The following ULK4 variants were observed in gnomAD, a reference collection of about 807,000 sequenced individuals.
ULK4 encodes unc-51 like kinase 4, also known as inactive serine/threonine-protein kinase ULK4.
In ULK4, 133 loss-of-function variants were observed where a neutral mutation model predicts 160.6. That is an observed-to-expected ratio of 0.83 (90% CI 0.72 to 0.96). ULK4 has a LOEUF of 0.96. ULK4 is among the 40% of genes least tolerant of loss of function. The probability of loss-of-function intolerance (pLI) is 0.00; values close to 1 mark genes in which losing one functional copy is unlikely to be tolerated. For synonymous variants in ULK4, 534 were observed against 539.8 expected, an observed-to-expected ratio of 0.99 and a Z score of 0.15; for missense variants, 1,580 against 1,499.5, an observed-to-expected ratio of 1.05 and a Z score of -0.89.
At chr3:41,905,678 T>G (rs1445402953) in intron 12 of ULK4, among the ~76,000 whole-genome samples, 1 of 152,110 alleles carries the variant, frequency 6.6e-6, no homozygotes, top group Non-Finnish European at 1.5e-5. Context: ...GAATAAATAT[T>G]TCTCCAAAGA....
At chr3:41,282,020 G>A (rs917325344) in intron 35 of ULK4, among the ~76,000 whole-genome samples, 3 of 149,282 alleles carry the variant, frequency 2.0e-5, no homozygotes, top group African/African-American at 7.4e-5. Context: ...GACAAACAGA[G>A]AGCCAAATCA....
Position 41,370,623 on chromosome 3 carries a change from C to T in ULK4, c.3678+27456G>A, listed in dbSNP as rs137921483. On this transcript the variant is annotated intron_variant, in intron 35 of 36. Coordinates refer to ENST00000301831, the MANE Select transcript of ULK4 (RefSeq NM_017886.4). ...CTGTGCCACGAGCGACGGAGCTATTCGGCCCAGATACTATGCTTTCCCCAT... is the reference window on the plus strand; with the variant it reads ...CTGTGCCACGAGCGACGGAGCTATTTGGCCCAGATACTATGCTTTCCCCAT... Among the ~76,000 whole-genome samples the T allele has an allele frequency of 9.3e-3, 1,423 of 152,318 alleles. 13 individuals carry two copies. Among genetic ancestry groups the T allele is most frequent in the Non-Finnish European group, 0.014 (930 of 68,032 alleles).
At chr3:41,524,544 C>G (rs1000413156) in intron 32 of ULK4, among the ~76,000 whole-genome samples, 9 of 152,288 alleles carry the variant, frequency 5.9e-5, no homozygotes, top group African/African-American at 2.2e-4. Flanking sequence ...CCAGTCTTTC[C>G]TCAATTCCAC....
intron 30 of ULK4, among the ~76,000 whole-genome samples, chr3:41,647,996 G>C (rs578153699): frequency 6.6e-6 from 1 of 152,206 alleles, no homozygotes; most frequent in Non-Finnish European, 1.5e-5. Flanking sequence ...AGGACCCTCC[G>C]AGCCAGGTGC....
intron 32 of ULK4, among the ~76,000 whole-genome samples, chr3:41,499,934 GTTTA>G (rs903825314): frequency 5.3e-5 from 8 of 152,160 alleles, no homozygotes; most frequent in African/African-American, 1.9e-4. Context: ...ATATTTTTCT[GTTTA>G]TTTTTCTATG....
intron 32 of ULK4, among the ~76,000 whole-genome samples, chr3:41,532,796 C>A (rs2086366136): frequency 6.6e-6 from 1 of 152,140 alleles, no homozygotes; most frequent in South Asian, 2.1e-4. Context: ...TTGCCAATCC[C>A]TGAACTAGAT....
intron 35 of ULK4, among the ~76,000 whole-genome samples, chr3:41,311,877 C>CATATACATATATATATATAT (rs1553641794): frequency 6.8e-6 from 1 of 146,574 alleles, no homozygotes; most frequent in African/African-American, 2.6e-5. Context: ...AAACTCTCCT[C>CATATACATATATATATATAT]ATATATATAT....
chr3:41,810,454 G>A (rs2040786350), intron 19 of ULK4, among the ~76,000 whole-genome samples: 1 of 152,084 alleles, frequency 6.6e-6, no homozygotes, highest in African/African-American at 2.4e-5. Flanking sequence ...CCTCTTTGTT[G>A]AAATAAAGTT....
intron 34 of ULK4, among the ~76,000 whole-genome samples, chr3:41,439,828 T>G (rs556447634): frequency 7.9e-5 from 12 of 152,338 alleles, no homozygotes; most frequent in Admixed American, 7.2e-4. Flanking sequence ...AACTAGCATC[T>G]TAACAATATT....
At chr3:41,559,521 A>C (rs1369128342) in intron 32 of ULK4, among the ~76,000 whole-genome samples, 4 of 124,294 alleles carry the variant, frequency 3.2e-5, no homozygotes, top group Non-Finnish European at 5.7e-5. Flanking sequence ...ATTTCTCCAC[A>C]TCCTCTCCAG....
intron 27 of ULK4, among the ~76,000 whole-genome samples, chr3:41,701,519 T>G (rs2036675011): frequency 2.0e-5 from 3 of 152,194 alleles, no homozygotes. Context: ...CAAGGAAGAA[T>G]GACTTTATCA....
At chr3:41,273,707 G>A (rs191786895) in intron 35 of ULK4, among the ~76,000 whole-genome samples, 2 of 152,232 alleles carry the variant, frequency 1.3e-5, no homozygotes, top group East Asian at 3.9e-4. Flanking sequence ...GGGGCCTAGT[G>A]GGAGGTGTTT....
At chr3:41,856,540 T>TATATACATAC (rs2042348974) in intron 17 of ULK4, among the ~76,000 whole-genome samples, 1 of 85,032 alleles carries the variant, frequency 1.2e-5, no homozygotes, top group African/African-American at 6.9e-5. Context: ...TATGTATGTA[T>TATATACATAC]ATATATATGT....
intron 32 of ULK4, among the ~76,000 whole-genome samples, chr3:41,527,026 G>C (rs1225439563): frequency 1.3e-5 from 2 of 152,190 alleles, no homozygotes; most frequent in East Asian, 1.9e-4. Context: ...TTATTTGTTA[G>C]AGTCCATTAC....
chr3:41,880,391 G>C (rs1283068120), intron 17 of ULK4, among the ~76,000 whole-genome samples: 1 of 152,130 alleles, frequency 6.6e-6, no homozygotes, highest in Non-Finnish European at 1.5e-5. Flanking sequence ...ATTTTCTGTA[G>C]CTGTTGATGA....
intron 27 of ULK4, chr3:41,688,091 T>G (rs760997775): frequency 6.6e-6 from 1 of 152,274 alleles, no homozygotes; most frequent in Non-Finnish European, 1.5e-5. Flanking sequence ...ATCTCCAGAC[T>G]CTGTCAGACT....
chr3:41,320,819 A>C (rs1303555188), intron 35 of ULK4, among the ~76,000 whole-genome samples: 2 of 152,170 alleles, frequency 1.3e-5, no homozygotes, highest in African/African-American at 4.8e-5. Flanking sequence ...CAGGAGGCTG[A>C]GGCAGGAGGA....
chr3:41,818,249 A>G (rs748879675), intron 19 of ULK4, among the ~76,000 whole-genome samples: 8 of 152,204 alleles, frequency 5.3e-5, no homozygotes, highest in Non-Finnish European at 1.0e-4. Flanking sequence ...CATCTTTATC[A>G]CAGCACTATT....
At chr3:41,728,349 G>A (rs753140611) in intron 22 of ULK4, among the ~76,000 whole-genome samples, 24 of 152,178 alleles carry the variant, frequency 1.6e-4, no homozygotes, top group Admixed American at 3.3e-4. Context: ...TATGGTGGAA[G>A]GCAAAGGGGT....
Sources: allele counts gnomAD v4.1 joint callset (sites outside exome capture counted in the v4.1 genomes callset), GRCh38; gene constraint gnomAD v4.1.1; transcripts MANE v1.5; gene names NCBI Gene and HGNC (gene_info 2026-07-23, HGNC 2026-07-21).